The following RPS6KC1 variants were observed in gnomAD, a reference collection of about 807,000 sequenced individuals.
RPS6KC1 encodes the protein ribosomal protein S6 kinase C1.
A neutral mutation model predicts 103.8 loss-of-function variants in RPS6KC1; 54 were observed. The observed-to-expected ratio is 0.52, with a 90% confidence interval of 0.42 to 0.65. The LOEUF (loss-of-function observed/expected upper bound fraction) is 0.65. RPS6KC1 is among the 30% of genes least tolerant of loss of function. The pLI is 0.00. For synonymous variants in RPS6KC1, 439 were observed against 438.7 expected (o/e 1.00, Z -0.01); for missense variants, 1,151 against 1,253.8 (o/e 0.92, Z 1.24).
Position 213,076,055 on chromosome 1 carries a change from C to G in RPS6KC1, c.142-1641C>G, listed in dbSNP as rs550254748. On this transcript the variant is annotated intron_variant, in intron 2 of 14. Coordinates refer to ENST00000366960, the MANE Select transcript of RPS6KC1 (RefSeq NM_012424.6). ...TTATTCTTCCTAACTAGACTGTGAACTCTTTGAAGGCAGGACCTGTATTTC... is the reference window on the plus strand; with the variant it reads ...TTATTCTTCCTAACTAGACTGTGAAGTCTTTGAAGGCAGGACCTGTATTTC... Among the ~76,000 whole-genome samples, 6 of 152,294 alleles carry G rather than the reference C, an allele frequency of 3.9e-5. No homozygotes were observed. In the South Asian group the frequency reaches 1.2e-3, roughly 32 times the overall value.
chr1:213,451,250 G>T, the RPS6KC1 span, among the ~76,000 whole-genome samples: 15 of 152,144 alleles, frequency 9.9e-5, no homozygotes, highest in Non-Finnish European at 2.2e-4. Flanking sequence ...TCTGAAATAG[G>T]TCAATTTTAG....
the RPS6KC1 span, among the ~76,000 whole-genome samples, chr1:213,830,313 G>T: frequency 2.0e-5 from 3 of 152,240 alleles, no homozygotes; most frequent in South Asian, 6.2e-4. Context: ...ATAAACTACA[G>T]CAGATTATAA....
At chr1:213,099,122 G>T (rs535114000) in intron 3 of RPS6KC1, among the ~76,000 whole-genome samples, 1 of 152,284 alleles carries the variant, frequency 6.6e-6, no homozygotes, top group African/African-American at 2.4e-5. Context: ...GTAGAGAATG[G>T]TTGCAAGGTT....
the RPS6KC1 span, among the ~76,000 whole-genome samples, chr1:213,825,128 A>T: frequency 1.3e-5 from 2 of 152,336 alleles, no homozygotes; most frequent in South Asian, 4.1e-4. Flanking sequence ...TGGAGAAGCA[A>T]GACCCCTGAC....
the RPS6KC1 span, among the ~76,000 whole-genome samples, chr1:213,633,912 A>AAAAAAAAC: frequency 8.9e-6 from 1 of 112,578 alleles, no homozygotes; most frequent in Non-Finnish European, 1.8e-5. Context: ...AAAAAAAAAA[A>AAAAAAAAC]AGCAGGGGTT....
At chr1:213,520,827 A>G in the RPS6KC1 span, among the ~76,000 whole-genome samples, 2 of 152,240 alleles carry the variant, frequency 1.3e-5, no homozygotes, top group Non-Finnish European at 2.9e-5. Context: ...CTTAAAACAA[A>G]ATATAACAAA....
the RPS6KC1 span, among the ~76,000 whole-genome samples, chr1:213,537,547 C>T: frequency 6.6e-6 from 1 of 152,124 alleles, no homozygotes; most frequent in Non-Finnish European, 1.5e-5. Context: ...TGTGACAATG[C>T]CTGCTGCTTG....
chr1:213,607,783 A>G, the RPS6KC1 span, among the ~76,000 whole-genome samples: 2 of 151,886 alleles, frequency 1.3e-5, no homozygotes. Context: ...AGAAGTGTTG[A>G]GTGCGTGTTG....
Position 213,233,016 on chromosome 1 carries a change from G to C in RPS6KC1, c.1225+761G>C, listed in dbSNP as rs76749076. Among the ~76,000 whole-genome samples, 1,403 of 152,112 alleles carry C rather than the reference G, an allele frequency of 9.2e-3. 43 individuals carry two copies. Among genetic ancestry groups the C allele is most frequent in the East Asian group, 0.071 (365 of 5,176 alleles). ...AAATTGTTTTCCGTATCTCGTGAAG[G>C]CATTGTTATTTTTGTATAACTATTG... On this transcript the variant is annotated intron_variant, in intron 10 of 14. Coordinates refer to ENST00000366960, the MANE Select transcript of RPS6KC1 (RefSeq NM_012424.6).
At chr1:213,820,932 C>G in the RPS6KC1 span, 1 of 152,024 alleles carries the variant, frequency 6.6e-6, no homozygotes, top group Non-Finnish European at 1.5e-5. Context: ...CAAAAACACC[C>G]GCTCCCCAAG....
chr1:213,370,776 G>A, the RPS6KC1 span, among the ~76,000 whole-genome samples: 1 of 152,194 alleles, frequency 6.6e-6, no homozygotes, highest in Non-Finnish European at 1.5e-5. Context: ...GACCCTCTTT[G>A]TAGAGAGACT....
chr1:213,349,321 C>T, the RPS6KC1 span, among the ~76,000 whole-genome samples: 1 of 152,170 alleles, frequency 6.6e-6, no homozygotes, highest in South Asian at 2.1e-4. Flanking sequence ...TCTGCCTATA[C>T]CCTATCCACT....
chr1:213,230,624 C>T, intron 9 of RPS6KC1, 80 bp downstream of exon 9: 1 of 1,020,210 alleles, frequency 9.8e-7, no homozygotes, highest in African/African-American at 1.6e-5. Context: ...CACCTAAGGT[C>T]AGGAGTTCGA....
chr1:213,329,723 T>TTTTG, the RPS6KC1 span, among the ~76,000 whole-genome samples: 5 of 152,110 alleles, frequency 3.3e-5, no homozygotes, highest in East Asian at 1.9e-4. Flanking sequence ...CCTTAGATCT[T>TTTTG]TTTGTTTGTT....
At chr1:213,211,537 A>G (rs1345549371) in intron 8 of RPS6KC1, among the ~76,000 whole-genome samples, 1 of 152,206 alleles carries the variant, frequency 6.6e-6, no homozygotes, top group Non-Finnish European at 1.5e-5. Flanking sequence ...TTTCCTTACA[A>G]AGACACACCA....
chr1:213,731,354 A>G, the RPS6KC1 span: 1 of 152,210 alleles, frequency 6.6e-6, no homozygotes. Flanking sequence ...TCACTTTAAC[A>G]ATATTCATTT....
the RPS6KC1 span, among the ~76,000 whole-genome samples, chr1:213,397,373 C>T: frequency 8.5e-5 from 13 of 152,216 alleles, no homozygotes; most frequent in African/African-American, 3.1e-4. Flanking sequence ...CACCACTCAG[C>T]CCCCAGTGGT....
At chr1:213,665,650 A>G in the RPS6KC1 span, among the ~76,000 whole-genome samples, 826 of 152,322 alleles carry the variant, frequency 5.4e-3, 7 homozygotes, top group African/African-American at 0.019. Flanking sequence ...TACAAAAAAT[A>G]CATGAGTTAG....
At chr1:213,431,711 G>C in the RPS6KC1 span, among the ~76,000 whole-genome samples, 6 of 150,714 alleles carry the variant, frequency 4.0e-5, no homozygotes, top group South Asian at 6.3e-4. Context: ...TCTATTACTG[G>C]TAGACATTTG....
Sources: allele counts gnomAD v4.1 joint callset (sites outside exome capture counted in the v4.1 genomes callset), GRCh38; gene constraint gnomAD v4.1.1; transcripts MANE v1.5; gene names NCBI Gene and HGNC (gene_info 2026-07-23, HGNC 2026-07-21).